The following KDR variants were observed in gnomAD, a reference collection of about 807,000 sequenced individuals.
The protein encoded by KDR is kinase insert domain receptor.
Under a neutral mutation model 160.9 loss-of-function variants are expected in KDR, and 43 were observed. The ratio of observed to expected loss-of-function variants is 0.27; its 90% CI spans 0.21 to 0.34. The LOEUF (loss-of-function observed/expected upper bound fraction) is 0.34. KDR is among the 10% of genes least tolerant of loss of function. The pLI is 1.00. For synonymous variants in KDR, 617 were observed against 600.1 expected (o/e 1.03, Z -0.41); for missense variants, 1,469 against 1,666.4 (o/e 0.88, Z 2.06).
chr4:55,084,540 A>G (rs567539668), intron 27 of KDR, among the ~76,000 whole-genome samples: 43 of 152,272 alleles, frequency 2.8e-4, no homozygotes, highest in Non-Finnish European at 4.7e-4. Context: ...TTCACAGACA[A>G]TGGTGCATCT....
rs5858314 is a variant in KDR at position 55,110,780 on chromosome 4, TAAA to T, written c.977-15_977-13del. 2.4e-5 allele frequency: 33 copies of T among 1,371,242 alleles called. No homozygotes were observed. The African/African-American group carries it at 4.2e-4, about 17-fold the overall frequency. The allele number at this position is 1,371,242 out of a possible 1,614,324, so 84.9% of individuals were successfully genotyped here. A position where few individuals can be genotyped will look rare whatever the true frequency, so the allele number is the denominator to read the frequency against. ...AACAAAAGGTTTTTCTGGAAGAAAA[TAAA>T]AAAAAAAAAAGGTCAACTTACTGTA... On this transcript the variant is annotated splice_polypyrimidine_tract_variant and intron_variant, in intron 7 of 29. Coordinates refer to ENST00000263923, the MANE Select transcript of KDR (RefSeq NM_002253.4).
chr4:55,104,649 C>T lies in KDR; in HGVS notation c.1981G>A (p.Val661Ile), dbSNP rs1197122708. 2 of 1,613,328 alleles carry T rather than the reference C, an allele frequency of 1.2e-6. No homozygotes were observed. Among genetic ancestry groups the T allele is most frequent in the Admixed American group, 1.7e-5 (1 of 59,958 alleles). Reference protein sequence around the residue: ...KRHCVVRQLTVLERVAPTITG... With the variant: ...KRHCVVRQLTILERVAPTITG... Reference sequence around the variant, plus strand: ...TCCAGAATTGTCTCCCTACCTAGGACTGTGAGCTGCCTGACCACGCAATGT... The same window carrying T: ...TCCAGAATTGTCTCCCTACCTAGGATTGTGAGCTGCCTGACCACGCAATGT... The change falls in exon 13 of 30, where the codon GTC (valine) becomes ATC (isoleucine). Residue 661 changes from valine (V) to isoleucine (I), a missense_variant. Around this residue, in one of 7 missense-constraint regions of KDR, gnomAD observed 792 missense variants for 840.9 expected, o/e 0.94. Coordinates refer to ENST00000263923, the MANE Select transcript of KDR (RefSeq NM_002253.4).
At chr4:55,108,335 T>C (rs1461791567) in intron 9 of KDR, among the ~76,000 whole-genome samples, 5 of 152,180 alleles carry the variant, frequency 3.3e-5, no homozygotes, top group Non-Finnish European at 7.3e-5. Flanking sequence ...ACAGAGATAG[T>C]TCTCTCTGTC....
rs1299448239 is a variant in KDR at position 55,101,933 on chromosome 4, CA to C, written c.2229del (p.Gly744AlafsTer10). 6.2e-7 allele frequency: 1 copy of C among 1,613,666 alleles called. No individual in the cohort carries two copies. The highest frequency in any genetic ancestry group is 2.2e-5 in the East Asian group (1 of 44,874). ...AAAAATGCCTCCACTTTTGCACAGC[CA>C]AGAACACTGCATGCCTGGCAGGTGT... ...GLYTCQACSV[L>X]GCAKVEAFFI... is the part of the protein sequence containing the mutation. On this transcript the variant is annotated frameshift_variant, in exon 15 of 30. Coordinates refer to ENST00000263923, the MANE Select transcript of KDR (RefSeq NM_002253.4). LOFTEE classifies it high-confidence loss of function.
At chr4:55,103,590 G>A (rs903548135) in intron 13 of KDR, among the ~76,000 whole-genome samples, 4 of 152,116 alleles carry the variant, frequency 2.6e-5, no homozygotes, top group African/African-American at 9.7e-5. Flanking sequence ...GGTGTGACTT[G>A]AAGGATGCTG....
chr4:55,113,259 T>C, intron 7 of KDR, 45 bp downstream of exon 7: 1 of 1,570,316 alleles, frequency 6.4e-7, no homozygotes. Flanking sequence ...ATTTAAATTA[T>C]CTCACTTGTC....
chr4:55,094,891 C>T lies in KDR; in HGVS notation c.2882G>A (p.Arg961Gln), dbSNP rs199904772. 79 of 1,613,928 alleles carry T rather than the reference C, an allele frequency of 4.9e-5. No homozygotes were observed. The highest frequency in any genetic ancestry group is 2.6e-4 in the South Asian group (24 of 91,078). ...YVGAIPVDLK[R>Q]RLDSITSSQS... ...GCTACTGGTGATGCTGTCCAAGCGC[C>T]GTTTCAGATCCACAGGGATTGCTCC... The change falls in exon 21 of 30, where the codon CGG becomes CAG. Residue 961 changes from arginine to glutamine, a missense_variant. Physicochemically the swap from Arg to Gln is conservative, Grantham distance 43. Transcript: ENST00000263923.
rs562939445 is a variant in KDR, at chr4:55,079,810, G to A, written c.*131C>T. The A allele has an allele frequency of 3.0e-5, 25 of 823,532 alleles. No homozygotes were observed. The highest frequency in any genetic ancestry group is 3.0e-4 in the East Asian group (12 of 39,990). The allele number at this position is 823,532 out of a possible 1,614,324, so 51.0% of individuals were successfully genotyped here. A position where few individuals can be genotyped will look rare whatever the true frequency, so the allele number is the denominator to read the frequency against. On this transcript the variant is annotated 3_prime_UTR_variant, in exon 30 of 30. Transcript: ENST00000263923. ...CTAGAAGACTGGCTCCCTGCAGTCCGAGGTCCTTTTTCTGTTGTCGAAATG... is the reference window on the plus strand; with the variant it reads ...CTAGAAGACTGGCTCCCTGCAGTCCAAGGTCCTTTTTCTGTTGTCGAAATG...
At chr4:55,118,155 T>C (rs893730736) in intron 3 of KDR, among the ~76,000 whole-genome samples, 2 of 152,176 alleles carry the variant, frequency 1.3e-5, no homozygotes, top group African/African-American at 4.8e-5. Context: ...GGTTCCTATG[T>C]GCAAAAAACT....
Position 55,104,653 on chromosome 4 carries a change from G to C in KDR, c.1977C>G (p.Leu659=). Reference sequence around the variant, plus strand: ...GAATTGTCTCCCTACCTAGGACTGTGAGCTGCCTGACCACGCAATGTCTTT... The same window carrying C: ...GAATTGTCTCCCTACCTAGGACTGTCAGCTGCCTGACCACGCAATGTCTTT... ...TKKRHCVVRQ[L]TVLERVAPTI... The change falls in exon 13 of 30, where the codon CTC becomes CTG. Residue 659 remains leucine, a synonymous_variant. Coordinates refer to ENST00000263923, the MANE Select transcript of KDR (RefSeq NM_002253.4). The C allele has an allele frequency of 6.2e-7, 1 of 1,613,382 alleles. No individual in the cohort carries two copies. The highest frequency in any genetic ancestry group is 1.1e-5 in the South Asian group (1 of 91,010).
intron 12 of KDR, among the ~76,000 whole-genome samples, 191 bp downstream of exon 12, chr4:55,105,641 A>G (rs2110023863): frequency 6.6e-6 from 1 of 152,332 alleles, no homozygotes; most frequent in East Asian, 1.9e-4. Flanking sequence ...AGTTAGACGC[A>G]CTGACTTCAC....
intron 27 of KDR, 83 bp downstream of exon 27, chr4:55,087,524 G>A (rs1446965909): frequency 5.5e-6 from 7 of 1,271,174 alleles, no homozygotes; most frequent in Non-Finnish European, 6.8e-6. Context: ...CCTTAGACAA[G>A]GTCTTCCTTC....
chr4:55,117,477 A>C (rs1720763561), intron 3 of KDR, among the ~76,000 whole-genome samples: 1 of 152,186 alleles, frequency 6.6e-6, no homozygotes, highest in African/African-American at 2.4e-5. Context: ...ACAGAATTCT[A>C]TCTTTGACAG....
chr4:55,100,556 T>C (rs946767472), intron 15 of KDR, among the ~76,000 whole-genome samples: 6 of 152,170 alleles, frequency 3.9e-5, no homozygotes, highest in African/African-American at 1.2e-4. Context: ...CAAGAGGTAA[T>C]GCAGAGCATC....
At chr4:55,120,102 G>A (rs1720831733) in intron 2 of KDR, among the ~76,000 whole-genome samples, 1 of 152,176 alleles carries the variant, frequency 6.6e-6, no homozygotes, top group Non-Finnish European at 1.5e-5. Flanking sequence ...TAGAGAAACA[G>A]CACCTGCTAC....
chr4:55,124,918 C>A (rs1317787862), intron 1 of KDR, among the ~76,000 whole-genome samples: 2 of 152,172 alleles, frequency 1.3e-5, no homozygotes, highest in Non-Finnish European at 2.9e-5. Context: ...ACCCCAGGCG[C>A]CTTCCCACCC....
intron 13 of KDR, among the ~76,000 whole-genome samples, chr4:55,103,839 A>G (rs570748553): frequency 6.6e-6 from 1 of 152,154 alleles, no homozygotes; most frequent in South Asian, 2.1e-4. Context: ...ACAAGAGGAG[A>G]AAATGGAGAG....
intron 13 of KDR, among the ~76,000 whole-genome samples, chr4:55,103,531 C>T (rs995460059): frequency 3.9e-5 from 6 of 152,124 alleles, no homozygotes; most frequent in African/African-American, 1.4e-4. Flanking sequence ...TCAATTCTGC[C>T]ATAACCTTGA....
intron 28 of KDR, 112 bp from the exon 29 acceptor site, chr4:55,082,153 G>A (rs932886178): frequency 3.5e-6 from 3 of 848,198 alleles, no homozygotes; most frequent in East Asian, 2.4e-5. Flanking sequence ...AAGGTCCTGT[G>A]GAAGAACATA....
Sources: allele counts gnomAD v4.1 joint callset (sites outside exome capture counted in the v4.1 genomes callset), GRCh38; gene constraint gnomAD v4.1.1; regional missense constraint gnomAD v4.1.1; transcripts MANE v1.5; gene names NCBI Gene and HGNC (gene_info 2026-07-23, HGNC 2026-07-21).